Variants in GNAS observed in about 807,000 individuals in gnomAD.
The protein encoded by GNAS is GNAS complex locus, also known as protein ALEX.
Under a neutral mutation model 54.5 loss-of-function variants are expected in GNAS, and 8 were observed. The ratio of observed to expected loss-of-function variants is 0.15; its 90% CI spans 0.09 to 0.26. The LOEUF (loss-of-function observed/expected upper bound fraction) is 0.26. Ranked by LOEUF, GNAS falls within the 10% of genes least tolerant of loss-of-function variation. GNAS has a pLI of 1.00. For synonymous variants in GNAS, 204 were observed against 191.4 expected (o/e 1.07, Z -0.54); for missense variants, 170 against 529.8 (o/e 0.32, Z 6.67).
rs1016718408 is a variant in GNAS at position 58,891,649 on chromosome 20, G to A, written c.-78G>A. On this transcript the variant is annotated 5_prime_UTR_variant, in exon 1 of 13. Transcript: ENST00000371085. ...GGCCCGCCCGCCCGGCGCTGCCCCG[G>A]CCCTCCCGGCCCGCGTGAGGCCGCC... 3.1e-6 allele frequency: 3 copies of A among 965,468 alleles called. No individual in the cohort carries two copies. Among genetic ancestry groups the A allele is most frequent in the African/African-American group, 3.8e-5 (2 of 53,214 alleles). The allele number at this position is 965,468 out of a possible 1,614,324, so 59.8% of individuals were successfully genotyped here. A position where few individuals can be genotyped will look rare whatever the true frequency, so the allele number is the denominator to read the frequency against.
chr20:58,901,686 G>A (rs941673275), intron 3 of GNAS, among the ~76,000 whole-genome samples: 3 of 152,132 alleles, frequency 2.0e-5, no homozygotes, highest in South Asian at 2.1e-4. Context: ...GGAAGGGGGC[G>A]AGATGGGATC....
At chr20:58,908,125 C>T (rs1377515961) in intron 6 of GNAS, among the ~76,000 whole-genome samples, 3 of 152,188 alleles carry the variant, frequency 2.0e-5, no homozygotes, top group Non-Finnish European at 4.4e-5. Context: ...GAACAGAAAA[C>T]TTAGGCAGTT....
intron 1 of GNAS, among the ~76,000 whole-genome samples, chr20:58,847,069 G>A (rs370343241): frequency 3.1e-4 from 47 of 152,208 alleles, no homozygotes; most frequent in African/African-American, 9.4e-4. Context: ...TGGACCCACT[G>A]TTCAAGCACA....
chr20:58,892,288 C>G (rs1417010424), intron 1 of GNAS: 2 of 630,450 alleles, frequency 3.2e-6, no homozygotes, highest in Non-Finnish European at 2.0e-6. Flanking sequence ...GGACAGGAAA[C>G]CGGGTGGCGG....
Position 58,856,160 on chromosome 20 carries a change from C to T in GNAS, c.43+15274C>T, listed in dbSNP as rs57705157. On this transcript the variant is annotated intron_variant, in intron 1 of 12. Coordinates refer to the GNAS transcript ENST00000306090. The surrounding 1 kb of genome is among the most constrained non-coding windows in gnomAD (Gnocchi z 4.2). ...TTTTGCGCTAAGCGTTTCCTCACTTCTCATTCGTTCGCCAAACCCTCCCGC... is the reference window on the plus strand; with the variant it reads ...TTTTGCGCTAAGCGTTTCCTCACTTTTCATTCGTTCGCCAAACCCTCCCGC... 51 of 157,368 alleles carry T rather than the reference C, an allele frequency of 3.2e-4. No homozygotes were observed. Among genetic ancestry groups the T allele is most frequent in the African/African-American group, 1.2e-3 (49 of 41,590 alleles). 9.7% of individuals were successfully genotyped at this position (157,368 alleles called of 1,614,324 possible).
At chr20:58,855,030 C>T (rs748923566) in intron 1 of GNAS, 2 of 1,612,954 alleles carry the variant, frequency 1.2e-6, no homozygotes, top group Admixed American at 3.3e-5. Context: ...CTCCGGATGC[C>T]TCCGCTGGTT....
chr20:58,889,277 G>T, upstream of GNAS: 2 of 1,023,628 alleles, frequency 2.0e-6, no homozygotes, highest in Non-Finnish European at 1.2e-6. Flanking sequence ...CGGCTGGAGC[G>T]AGCCCCTGTC....
At chr20:58,886,624 G>A (rs2088607579), upstream of GNAS, among the ~76,000 whole-genome samples, 1 of 151,814 alleles carries the variant, frequency 6.6e-6, no homozygotes, top group African/African-American at 2.4e-5. Context: ...CATATGAAAA[G>A]GTCACACATG....
intron 1 of GNAS, chr20:58,851,016 G>T: frequency 2.5e-6 from 1 of 398,034 alleles, no homozygotes; most frequent in Non-Finnish European, 4.4e-6. Context: ...GGGGTCGGAG[G>T]GGAGTGAGTT....
intron 3 of GNAS, chr20:58,900,280 G>T: frequency 2.4e-6 from 1 of 420,938 alleles, no homozygotes; most frequent in Non-Finnish European, 4.3e-6. Context: ...AACCTACTGT[G>T]TACTAGATGT....
At chr20:58,890,312 G>A (rs887107055), upstream of GNAS, among the ~76,000 whole-genome samples, 3 of 144,958 alleles carry the variant, frequency 2.1e-5, no homozygotes, top group Admixed American at 1.4e-4. Context: ...GCGCCGTCGG[G>A]GGCGCCGAGG....
intron 1 of GNAS, chr20:58,854,934 A>G (rs1312447292): frequency 6.2e-7 from 1 of 1,603,588 alleles, no homozygotes; most frequent in East Asian, 2.3e-5. Context: ...CAAGTCCGAG[A>G]GCAGCCGCGG....
At chr20:58,864,928 GACACACAC>G (rs144642876) in intron 1 of GNAS, among the ~76,000 whole-genome samples, 23 of 138,842 alleles carry the variant, frequency 1.7e-4, no homozygotes, top group South Asian at 2.3e-4. Context: ...CTACCTACCA[GACACACAC>G]ACACACACAC....
chr20:58,901,835 G>A (rs8114689), intron 3 of GNAS, among the ~76,000 whole-genome samples: 76,468 of 132,758 alleles, frequency 0.58, 22,925 homozygotes, highest in South Asian at 0.69. Flanking sequence ...CCCACCGTCC[G>A]TCCCCGCCCC....
chr20:58,858,990 C>T (rs2086639335), intron 1 of GNAS, among the ~76,000 whole-genome samples: 1 of 152,088 alleles, frequency 6.6e-6, no homozygotes, highest in Non-Finnish European at 1.5e-5. Context: ...GGTTTTAATT[C>T]TTACAGATTT....
At chr20:58,884,714 G>A (rs2088471016) in intron 1 of GNAS, 1 of 152,192 alleles carries the variant, frequency 6.6e-6, no homozygotes, top group African/African-American at 2.4e-5. Context: ...TTCCCCAAGG[G>A]AAGTGAAGGA....
At chr20:58,840,269 C>T (rs375337259), upstream of GNAS, 24 of 1,611,892 alleles carry the variant, frequency 1.5e-5, no homozygotes, top group Non-Finnish European at 2.0e-5. This position sits in a 1 kb window ranked among gnomAD's most constrained non-coding sequence, Gnocchi z 6.0. Flanking sequence ...TGCCCAGCAG[C>T]GCGCGGCTGC....
At chr20:58,899,841 T>G in intron 3 of GNAS, 1 of 696,404 alleles carries the variant, frequency 1.4e-6, no homozygotes, top group Non-Finnish European at 2.7e-6. Flanking sequence ...TGACTTAGTT[T>G]AGGGCATCTC....
In GNAS at chr20:58,841,666, C is replaced by A; in HGVS notation, c.43+780C>A. ...GGCGGCGGGCGGTTAGGGGAAAGTACCTGGGGGAAAGGTAGAGGAGGTAAG... is the reference window on the plus strand; with the variant it reads ...GGCGGCGGGCGGTTAGGGGAAAGTAACTGGGGGAAAGGTAGAGGAGGTAAG... On this transcript the variant is annotated intron_variant, in intron 1 of 12. Coordinates refer to the GNAS transcript ENST00000306090. This position sits in a 1 kb window ranked among gnomAD's most constrained non-coding sequence, Gnocchi z 5.0. The A allele has an allele frequency of 8.7e-7, 1 of 1,153,620 alleles. No homozygotes were observed. The highest frequency in any genetic ancestry group is 1.1e-6 in the Non-Finnish European group (1 of 937,992). 71.5% of individuals were successfully genotyped at this position (1,153,620 alleles called of 1,614,324 possible).
Sources: gnomAD v4.1 joint callset for allele counts (sites outside exome capture counted in the v4.1 genomes callset) on GRCh38, gnomAD v4.1.1 for gene constraint, Gnocchi (gnomAD v3.1) non-coding constraint, MANE v1.5 for transcripts, NCBI Gene and HGNC (gene_info 2026-07-23, HGNC 2026-07-21) for gene names.